The following PDGFRB variants were observed in gnomAD, a reference collection of about 807,000 sequenced individuals.
The protein encoded by PDGFRB is platelet derived growth factor receptor beta.
Under a neutral mutation model 120.2 loss-of-function variants are expected in PDGFRB, and 42 were observed. The ratio of observed to expected loss-of-function variants is 0.35; its 90% CI spans 0.27 to 0.45. PDGFRB has a LOEUF of 0.45. Among genes scored for constraint, PDGFRB ranks in the 20% least tolerant of loss-of-function variants. The pLI, the probability that PDGFRB is intolerant of heterozygous loss-of-function variation, is 1.00. For synonymous variants in PDGFRB, 586 were observed against 606.8 expected (o/e 0.97, Z 0.50); for missense variants, 1,149 against 1,476.3 (o/e 0.78, Z 3.63).
At chr5:150,154,397 G>T (rs1761166631) in intron 1 of PDGFRB, among the ~76,000 whole-genome samples, 1 of 152,194 alleles carries the variant, frequency 6.6e-6, no homozygotes, top group Admixed American at 6.5e-5. Flanking sequence ...CAGTTATGTG[G>T]CTGCGTGAGC....
intron 1 of PDGFRB, among the ~76,000 whole-genome samples, chr5:150,148,136 C>G (rs1188104907): frequency 6.6e-6 from 1 of 152,200 alleles, no homozygotes; most frequent in Non-Finnish European, 1.5e-5. Context: ...TCCTAGCACA[C>G]TCGGCGATTC....
intron 3 of PDGFRB, among the ~76,000 whole-genome samples, chr5:150,135,299 G>C (rs1760589566): frequency 6.6e-6 from 1 of 152,208 alleles, no homozygotes; most frequent in African/African-American, 2.4e-5. Flanking sequence ...GGTCAAGAGG[G>C]AGCAGATTGG....
chr5:150,115,725 G>T lies in PDGFRB; in HGVS notation c.*38C>A, dbSNP rs202160957. 8.4e-5 allele frequency: 129 copies of T among 1,526,866 alleles called. No homozygotes were observed. Among genetic ancestry groups the T allele is most frequent in the Middle Eastern group, 2.4e-4 (1 of 4,134 alleles). The allele number at this position is 1,526,866 out of a possible 1,614,324, so 94.6% of individuals were successfully genotyped here. ...CCAGGAGATGCTGGGTGCTGGCAGG[G>T]GGGGAGCTTCAGGCAGGGCAGGGTA... On this transcript the variant is annotated 3_prime_UTR_variant, in exon 23 of 23. Transcript: ENST00000261799.
In PDGFRB at chr5:150,115,060, C is replaced by T. The variant is rs931225770; in HGVS notation, c.*703G>A. ...GGCCTGAAGGACAGGGACACAGGCACTTGCTATGGCTGCGTGTGCTCCAAG... is the reference window on the plus strand; with the variant it reads ...GGCCTGAAGGACAGGGACACAGGCATTTGCTATGGCTGCGTGTGCTCCAAG... On this transcript the variant is annotated 3_prime_UTR_variant, in exon 23 of 23. Transcript: ENST00000261799. 8 of 233,090 alleles carry T rather than the reference C, an allele frequency of 3.4e-5. No individual in the cohort carries two copies. The highest frequency in any genetic ancestry group is 5.6e-5 in the Admixed American group (1 of 17,778). 14.4% of individuals were successfully genotyped at this position (233,090 alleles called of 1,614,324 possible). A position where few individuals can be genotyped will look rare whatever the true frequency, so the allele number is the denominator to read the frequency against.
chr5:150,153,976 A>T (rs567067719), intron 1 of PDGFRB: 1 of 152,308 alleles, frequency 6.6e-6, no homozygotes, highest in East Asian at 1.9e-4. Context: ...AGAGCACAGG[A>T]TGGGGAAACC....
chr5:150,117,300 T>C lies in PDGFRB; in HGVS notation c.3137+318A>G, dbSNP rs567312469. On this transcript the variant is annotated intron_variant, in intron 22 of 22. Coordinates refer to ENST00000261799, the MANE Select transcript of PDGFRB (RefSeq NM_002609.4). ...TGCTAAGTAGGTTTGCTTCTTCTTT[T>C]TGGGGCTAGGACAGGACCTAGAGAT... Among the ~76,000 whole-genome samples, 7 of 152,234 alleles carry C rather than the reference T, an allele frequency of 4.6e-5. No individual in the cohort carries two copies. The East Asian group carries it at 1.2e-3, about 25-fold the overall frequency.
At chr5:150,116,239 A>G (rs1172748795) in intron 22 of PDGFRB, among the ~76,000 whole-genome samples, 1 of 152,098 alleles carries the variant, frequency 6.6e-6, no homozygotes, top group Non-Finnish European at 1.5e-5. Flanking sequence ...CCTCCTCTGC[A>G]CTCCTAAAGG....
At chr5:150,116,611 AAAAT>A (rs1274416968) in intron 22 of PDGFRB, among the ~76,000 whole-genome samples, 1 of 152,052 alleles carries the variant, frequency 6.6e-6, no homozygotes, top group Non-Finnish European at 1.5e-5. Context: ...CTCCATCTCA[AAAAT>A]AAATAAATAA....
chr5:150,152,918 G>A (rs1318719642), intron 1 of PDGFRB, among the ~76,000 whole-genome samples: 3 of 152,234 alleles, frequency 2.0e-5, no homozygotes, highest in African/African-American at 7.2e-5. Flanking sequence ...GCTGCTCACA[G>A]AGAAGGAGAT....
At chr5:150,149,871 G>T (rs1439223767) in intron 1 of PDGFRB, among the ~76,000 whole-genome samples, 2 of 152,196 alleles carry the variant, frequency 1.3e-5, no homozygotes, top group African/African-American at 4.8e-5. Context: ...AGAAGGGAAG[G>T]TAACAGAGCA....
chr5:150,150,532 G>A lies in PDGFRB; in HGVS notation c.-7+4865C>T, dbSNP rs370646168. Among the ~76,000 whole-genome samples, 18 of 137,028 alleles carry A rather than the reference G, an allele frequency of 1.3e-4. No individual in the cohort carries two copies. In the South Asian group the frequency reaches 3.5e-3, roughly 27 times the overall value. The allele number at this position is 137,028 out of a possible 152,430, so 89.9% of individuals were successfully genotyped here. A position where few individuals can be genotyped will look rare whatever the true frequency, so the allele number is the denominator to read the frequency against. ...TGAGGAGAGGAGGGGATTTTAATGC[G>A]GTTAAAGCAGTACACTTTGATTTTC... On this transcript the variant is annotated intron_variant, in intron 1 of 22. Coordinates refer to ENST00000261799, the MANE Select transcript of PDGFRB (RefSeq NM_002609.4).
chr5:150,155,422 G>C lies in PDGFRB; in HGVS notation c.-32C>G, dbSNP rs1761204479. 2.5e-6 allele frequency: 1 copy of C among 395,254 alleles called. No homozygotes were observed. Among genetic ancestry groups the C allele is most frequent in the Non-Finnish European group, 4.4e-6 (1 of 225,052 alleles). The allele number at this position is 395,254 out of a possible 1,614,324, so 24.5% of individuals were successfully genotyped here. A position where few individuals can be genotyped will look rare whatever the true frequency, so the allele number is the denominator to read the frequency against. ...CTTGCTGCTGATGGCTTCTGGTGTG[G>C]GCACAGTTCCAGGCTCTGGACAGTC... is the stretch of plus-strand genomic sequence containing the variant. On this transcript the variant is annotated 5_prime_UTR_variant, in exon 1 of 23. Coordinates refer to ENST00000261799, the MANE Select transcript of PDGFRB (RefSeq NM_002609.4).
Position 150,129,802 on chromosome 5 carries a change from T to G in PDGFRB, c.1534A>C (p.Asn512His). 6.2e-7 allele frequency: 1 copy of G among 1,614,006 alleles called. No homozygotes were observed. Among genetic ancestry groups the G allele is most frequent in the South Asian group, 1.1e-5 (1 of 91,086 alleles). Reference sequence around the variant, plus strand: ...TCCTGCGTGTCCTGGCCCACAGCGTTGCGCAGCGTGCAGCGCACCGACAGT... The same window carrying G: ...TCCTGCGTGTCCTGGCCCACAGCGTGGCGCAGCGTGCAGCGCACCGACAGT... ...RPLSVRCTLR[N>H]AVGQDTQEVI... The change falls in exon 10 of 23, where the codon AAC becomes CAC. Residue 512 changes from asparagine to histidine, a missense_variant. Physicochemically the swap from Asn to His is moderately conservative, Grantham distance 68. This residue lies in a region of PDGFRB where 879 missense variants were observed against 1,108.6 expected (regional missense o/e 0.79). Transcript: ENST00000261799.
intron 1 of PDGFRB, among the ~76,000 whole-genome samples, chr5:150,155,175 G>T (rs1198197492): frequency 6.6e-6 from 1 of 152,134 alleles, no homozygotes; most frequent in Non-Finnish European, 1.5e-5. Context: ...GAGCAGCAGG[G>T]ATGATGAGGT....
chr5:150,118,713 C>T, intron 21 of PDGFRB, 34 bp downstream of exon 21: 1 of 1,309,072 alleles, frequency 7.6e-7, no homozygotes, highest in South Asian at 1.2e-5. Flanking sequence ...CACCAGAGCT[C>T]TCCGTGCTCC....
rs540060566 is a variant in PDGFRB at position 150,113,919 on chromosome 5, C to G, written c.*1844G>C. On this transcript the variant is annotated 3_prime_UTR_variant, in exon 23 of 23. Coordinates refer to ENST00000261799, the MANE Select transcript of PDGFRB (RefSeq NM_002609.4). ...ACAGATAGAAAAACTCAACAGCATA[C>G]AAAATAGCATTTCTGCTGTATAAAT... 1 of 233,058 alleles carries G rather than the reference C, an allele frequency of 4.3e-6. No homozygotes were observed. The highest frequency in any genetic ancestry group is 2.2e-5 in the African/African-American group (1 of 45,330). The allele number at this position is 233,058 out of a possible 1,614,324, so 14.4% of individuals were successfully genotyped here. A position where few individuals can be genotyped will look rare whatever the true frequency, so the allele number is the denominator to read the frequency against.
In PDGFRB at chr5:150,132,876, C is replaced by T. The variant is rs375079353; in HGVS notation, c.1001G>A (p.Arg334Gln). 7.4e-5 allele frequency: 118 copies of T among 1,599,314 alleles called. No individual in the cohort carries two copies. The highest frequency in any genetic ancestry group is 1.1e-4 in the African/African-American group (8 of 74,686). ...GGCCTCGAACACTACCTGCAGTGTC[C>T]GGCTCCGATGCAGCTCAGCAAATTG... ...TLQFAELHRS[R>Q]TLQVVFEAYP... is the part of the protein sequence containing the mutation. Residue 334 changes from arginine to glutamine, a missense_variant, in exon 7 of 23, where the codon CGG becomes CAG. Transcript: ENST00000261799. The surrounding 1 kb of genome is among the most constrained non-coding windows in gnomAD (Gnocchi z 5.0).
chr5:150,121,340 G>T lies in PDGFRB; in HGVS notation c.2345-18C>A. On this transcript the variant is annotated intron_variant, in intron 16 of 22. Coordinates refer to ENST00000261799, the MANE Select transcript of PDGFRB (RefSeq NM_002609.4). The surrounding 1 kb of genome is among the most constrained non-coding windows in gnomAD (Gnocchi z 4.1). ...CTCAGGGGCTAGAGGAGAAGCAGAG[G>T]GTCACCTGCTATCTTATATCTCCTT... 9.2e-7 allele frequency: 1 copy of T among 1,090,884 alleles called. No individual in the cohort carries two copies. The highest frequency in any genetic ancestry group is 1.2e-5 in the South Asian group (1 of 80,620). 67.6% of individuals were successfully genotyped at this position (1,090,884 alleles called of 1,614,324 possible). A position where few individuals can be genotyped will look rare whatever the true frequency, so the allele number is the denominator to read the frequency against.
intron 1 of PDGFRB, among the ~76,000 whole-genome samples, chr5:150,152,036 T>C (rs1402076951): frequency 1.3e-5 from 2 of 151,908 alleles, no homozygotes; most frequent in Non-Finnish European, 2.9e-5. Flanking sequence ...GCCTCCTGAG[T>C]AGCTGGGATA....
Sources: allele counts gnomAD v4.1 joint callset (sites outside exome capture counted in the v4.1 genomes callset), GRCh38; gene constraint gnomAD v4.1.1; regional missense constraint gnomAD v4.1.1; non-coding constraint Gnocchi (gnomAD v3.1); transcripts MANE v1.5; gene names NCBI Gene and HGNC (gene_info 2026-07-23, HGNC 2026-07-21).